Variants in DPH6 observed in about 807,000 individuals in gnomAD.
DPH6 encodes the protein diphthine--ammonia ligase.
DPH6 carries 33 observed loss-of-function variants against 38.2 expected under a neutral mutation model. That is an observed-to-expected ratio of 0.86 (90% CI 0.65 to 1.15). The LOEUF (loss-of-function observed/expected upper bound fraction) is 1.15, where lower values mean the gene tolerates loss of function less well. DPH6 is among the 50% of genes most tolerant of loss of function. The pLI, the probability that DPH6 is intolerant of heterozygous loss-of-function variation, is 0.00. For missense variants in DPH6, 325 were observed against 320.0 expected, an observed-to-expected ratio of 1.02 and a Z score of -0.12; for synonymous variants, 108 against 103.0, an observed-to-expected ratio of 1.05 and a Z score of -0.30.
intron 3 of DPH6, among the ~76,000 whole-genome samples, chr15:35,333,060 G>A (rs891539904): frequency 1.3e-5 from 2 of 150,180 alleles, no homozygotes; most frequent in Non-Finnish European, 3.0e-5. Context: ...AAAAAGATTA[G>A]TGAGCAGAAT....
chr15:35,289,311 A>G (rs2051963892), intron 3 of DPH6, among the ~76,000 whole-genome samples: 1 of 152,226 alleles, frequency 6.6e-6, no homozygotes, highest in African/African-American at 2.4e-5. Context: ...AAAGAAACAT[A>G]TATTTTATCC....
intron 3 of DPH6, among the ~76,000 whole-genome samples, chr15:35,353,660 G>C (rs1338736888): frequency 1.3e-5 from 2 of 152,016 alleles, no homozygotes; most frequent in South Asian, 4.1e-4. Context: ...GGTACCAGTA[G>C]CATGCTGTTT....
At chr15:35,312,887 T>C (rs2140828845) in intron 3 of DPH6, among the ~76,000 whole-genome samples, 1 of 152,206 alleles carries the variant, frequency 6.6e-6, no homozygotes. Flanking sequence ...ATGTGTTTGT[T>C]TTTATACCAC....
At chr15:35,329,721 A>G (rs1159745685), downstream of DPH6, among the ~76,000 whole-genome samples, 1 of 152,152 alleles carries the variant, frequency 6.6e-6, no homozygotes, top group Non-Finnish European at 1.5e-5. Context: ...CAGCATCGTA[A>G]TTCACTTAGC....
chr15:35,247,457 C>CT (rs1409460691), intron 3 of DPH6, among the ~76,000 whole-genome samples: 2 of 152,324 alleles, frequency 1.3e-5, no homozygotes, highest in South Asian at 2.1e-4. Context: ...GGCCTGCCAG[C>CT]TTTCATTACT....
intron 3 of DPH6, among the ~76,000 whole-genome samples, chr15:35,511,591 A>G (rs909114209): frequency 7.9e-5 from 12 of 152,260 alleles, no homozygotes; most frequent in Middle Eastern, 3.4e-3. Context: ...GGAAAAGAGC[A>G]GCGATACTCC....
At chr15:35,148,923 T>C in the DPH6 span, among the ~76,000 whole-genome samples, 1 of 152,198 alleles carries the variant, frequency 6.6e-6, no homozygotes, top group Admixed American at 6.5e-5. Flanking sequence ...TCTGAATTTA[T>C]CATTCTTATG....
At chr15:35,398,565 A>T (rs2053176943) in intron 6 of DPH6, among the ~76,000 whole-genome samples, 1 of 152,210 alleles carries the variant, frequency 6.6e-6, no homozygotes, top group Non-Finnish European at 1.5e-5. Flanking sequence ...GCCTTCCTAC[A>T]TACATTGCCC....
chr15:35,299,017 G>C, intron 3 of DPH6: 1 of 731,652 alleles, frequency 1.4e-6, no homozygotes, highest in Non-Finnish European at 2.5e-6. Flanking sequence ...GAAAACTCAC[G>C]TGCATCATGT....
At chr15:35,352,202 C>T (rs1342584876) in intron 3 of DPH6, among the ~76,000 whole-genome samples, 3 of 152,002 alleles carry the variant, frequency 2.0e-5, no homozygotes, top group African/African-American at 7.3e-5. Context: ...TTTTCATATG[C>T]ATTTGTATTA....
intron 3 of DPH6, among the ~76,000 whole-genome samples, chr15:35,284,957 T>C (rs967539765): frequency 2.0e-5 from 3 of 151,842 alleles, no homozygotes; most frequent in Admixed American, 6.6e-5. Flanking sequence ...GGACTATAGG[T>C]GCACACCATG....
intron 3 of DPH6, among the ~76,000 whole-genome samples, chr15:35,228,124 ATC>A (rs1595436460): frequency 6.6e-6 from 1 of 152,200 alleles, no homozygotes; most frequent in East Asian, 1.9e-4. Context: ...TTCTGTAAAT[ATC>A]TGTTAGATCC....
intron 7 of DPH6, among the ~76,000 whole-genome samples, chr15:35,381,344 C>A (rs2052861843): frequency 6.6e-6 from 1 of 152,036 alleles, no homozygotes; most frequent in Non-Finnish European, 1.5e-5. Flanking sequence ...CATTTAAAAA[C>A]AAAGTTTATG....
chr15:35,248,551 G>A (rs2051650837), intron 3 of DPH6, among the ~76,000 whole-genome samples: 1 of 152,076 alleles, frequency 6.6e-6, no homozygotes, highest in South Asian at 2.1e-4. Flanking sequence ...ATCTCTACAC[G>A]CTCTTCTTGC....
At chr15:35,235,189 A>G (rs1228882177) in intron 3 of DPH6, among the ~76,000 whole-genome samples, 1 of 152,190 alleles carries the variant, frequency 6.6e-6, no homozygotes, top group African/African-American at 2.4e-5. Flanking sequence ...CTTGGGCCAC[A>G]AGTGAAAGAG....
Position 35,372,160 on chromosome 15 carries a change from T to C in DPH6, c.794A>G (p.Tyr265Cys), listed in dbSNP as rs1445314088. 1 of 1,519,980 alleles carries C rather than the reference T, an allele frequency of 6.6e-7. No homozygotes were observed. Among genetic ancestry groups the C allele is most frequent in the African/African-American group, 1.4e-5 (1 of 70,460 alleles). 94.2% of individuals were successfully genotyped at this position (1,519,980 alleles called of 1,614,324 possible). ...PDNYRTSNYI[Y>C]NF ...GTTCCAAAACACTTTTCAAAAATTA[T>C]ATATATAATTAGATGTTCTGTAGTT... Residue 265 changes from tyrosine to cysteine, a missense_variant, in exon 9 of 9, where the codon TAT becomes TGT. Physicochemically the swap from Tyr to Cys is radical, Grantham distance 194. Transcript: ENST00000256538.
At chr15:35,298,553 A>C in intron 3 of DPH6, 1 of 783,798 alleles carries the variant, frequency 1.3e-6, no homozygotes, top group South Asian at 1.3e-5. Context: ...AAGACACTTA[A>C]GTATTTCAGT....
At chr15:35,365,992 G>C (rs927866768), downstream of DPH6, 1 of 985,138 alleles carries the variant, frequency 1.0e-6, no homozygotes, top group Non-Finnish European at 1.2e-6. Context: ...AAGGTGGGGA[G>C]AGACAGGGTA....
intron 3 of DPH6, among the ~76,000 whole-genome samples, chr15:35,479,238 T>C (rs1244583839): frequency 6.6e-6 from 1 of 152,054 alleles, no homozygotes; most frequent in Non-Finnish European, 1.5e-5. Context: ...TCTATACAAA[T>C]ATAAGCTAAA....
Sources: allele counts gnomAD v4.1 joint callset (sites outside exome capture counted in the v4.1 genomes callset), GRCh38; gene constraint gnomAD v4.1.1; transcripts MANE v1.5; gene names NCBI Gene and HGNC (gene_info 2026-07-23, HGNC 2026-07-21).